The following SPRY3 variants were observed in gnomAD, a reference collection of about 807,000 sequenced individuals.
The protein encoded by SPRY3 is sprouty RTK signaling antagonist 3.
Under a neutral mutation model 20.2 loss-of-function variants are expected in SPRY3, and 15 were observed. The observed-to-expected ratio is 0.74, with a 90% CI of 0.50 to 1.14. The LOEUF is 1.14. Ranked by LOEUF, SPRY3 falls within the 50% of genes most tolerant of loss-of-function variation. The pLI is 0.00. For missense variants in SPRY3, 364 were observed against 363.9 expected (o/e 1.00, Z 0.00); for synonymous variants, 143 against 136.5 (o/e 1.05, Z -0.33).
At chrX:155,631,726 AT>A (rs1210370612) in intron 1 of SPRY3, among the ~76,000 whole-genome samples, 1 of 110,985 alleles carries the variant, frequency 9.0e-6, no homozygotes, top group Non-Finnish European at 1.9e-5. Flanking sequence ...TCTCTATTGC[AT>A]TTTTTATTTT....
At chrX:155,646,794 C>T (rs1289372459) in intron 1 of SPRY3, among the ~76,000 whole-genome samples, 2 of 110,514 alleles carry the variant, frequency 1.8e-5, no homozygotes, top group Non-Finnish European at 3.8e-5. Flanking sequence ...CTTTTTCTTG[C>T]TTAATTGCTC....
At chrX:155,758,496 C>T (rs2091291815) in intron 2 of SPRY3, among the ~76,000 whole-genome samples, 1 of 152,144 alleles carries the variant, frequency 6.6e-6, no homozygotes, top group African/African-American at 2.4e-5. Context: ...TCTATGTTCC[C>T]TTGGCATTGC....
chrX:155,770,745 A>T (rs1033766364), intron 3 of SPRY3, among the ~76,000 whole-genome samples: 2 of 151,942 alleles, frequency 1.3e-5, no homozygotes, highest in African/African-American at 4.8e-5. Flanking sequence ...GGATTTCTGA[A>T]TCATAAACAT....
intron 2 of SPRY3, among the ~76,000 whole-genome samples, chrX:155,724,118 G>C (rs1169260543): frequency 6.6e-6 from 1 of 151,946 alleles, no homozygotes; most frequent in Non-Finnish European, 1.5e-5. Context: ...TATTTCTGAG[G>C]CCTCTGTTCT....
At chrX:155,767,590 G>A (rs2124599515) in intron 2 of SPRY3, among the ~76,000 whole-genome samples, 1 of 149,834 alleles carries the variant, frequency 6.7e-6, no homozygotes, top group African/African-American at 2.5e-5. Flanking sequence ...AAGAAGGGGA[G>A]GAGGGAAAGG....
intron 2 of SPRY3, among the ~76,000 whole-genome samples, chrX:155,716,309 C>T (rs991516588): frequency 1.3e-5 from 2 of 152,108 alleles, no homozygotes; most frequent in Non-Finnish European, 2.9e-5. Flanking sequence ...CAACCCTATA[C>T]TTTTTATTTT....
chrX:155,642,407 TTTTG>T (rs1355995687), intron 1 of SPRY3, among the ~76,000 whole-genome samples: 5 of 111,802 alleles, frequency 4.5e-5, no homozygotes, highest in Admixed American at 3.8e-4. Flanking sequence ...GGTTTGTGAA[TTTTG>T]TTTATCTTTC....
intron 2 of SPRY3, among the ~76,000 whole-genome samples, chrX:155,765,333 C>T (rs781716): frequency 0.24 from 36,702 of 152,072 alleles, 4,397 homozygotes; most frequent in Non-Finnish European, 0.29. Context: ...GATCTGCAAA[C>T]TGCCAACTGT....
chrX:155,645,387 G>A (rs1557351766), intron 1 of SPRY3, among the ~76,000 whole-genome samples: 2 of 111,796 alleles, frequency 1.8e-5, no homozygotes, highest in African/African-American at 6.5e-5. Flanking sequence ...GAGTCACCTA[G>A]GAGTTACAGT....
downstream of SPRY3, chrX:155,776,854 G>C (rs2091430143): frequency 6.0e-6 from 1 of 166,914 alleles, no homozygotes; most frequent in Non-Finnish European, 1.5e-5. Flanking sequence ...ACTGACATTT[G>C]GGCTGCACAG....
At chrX:155,772,012 A>G (rs2091384464) in intron 3 of SPRY3, among the ~76,000 whole-genome samples, 2 of 152,188 alleles carry the variant, frequency 1.3e-5, no homozygotes, top group South Asian at 4.2e-4. Context: ...TAGATAGTGA[A>G]ACTGAGGCCC....
rs186758795 is a variant in SPRY3 at position 155,690,540 on chromosome X, A to G, written c.-282+33515A>G. Among the ~76,000 whole-genome samples, 35 of 87,921 alleles carry G rather than the reference A, an allele frequency of 4.0e-4. 3 individuals carry two copies. In the East Asian group the frequency reaches 0.011, roughly 28 times the overall value. The allele number at this position is 87,921 out of a possible 115,157, so 76.3% of individuals were successfully genotyped here. On this transcript the variant is annotated intron_variant, in intron 2 of 3. Transcript: ENST00000675360. ...GAAAACAGCAAAAAGCAGGGGTTTC[A>G]ATCCTAATTTCAGACAAAACAGATT...
chrX:155,751,924 GAAATAAAATAAAATA>G (rs530878002), intron 2 of SPRY3, among the ~76,000 whole-genome samples: 14,744 of 121,546 alleles, frequency 0.12, 1,060 homozygotes, highest in African/African-American at 0.19. Flanking sequence ...CAAGGGAAGG[GAAATAAAATAAAATA>G]AAATAAAATA....
intron 2 of SPRY3, among the ~76,000 whole-genome samples, chrX:155,711,910 C>A (rs306943): frequency 0.25 from 37,877 of 151,148 alleles, 4,965 homozygotes; most frequent in African/African-American, 0.4. Context: ...TTTCCATTAT[C>A]ATTTCTTTCA....
intron 2 of SPRY3, among the ~76,000 whole-genome samples, chrX:155,767,560 G>C (rs1046277579): frequency 4.0e-5 from 6 of 151,182 alleles, no homozygotes; most frequent in Non-Finnish European, 5.9e-5. Context: ...CGAAAGAGGA[G>C]GGGGAGGAGG....
chrX:155,751,989 A>AT (rs1315078752), intron 2 of SPRY3, among the ~76,000 whole-genome samples: 1 of 150,540 alleles, frequency 6.6e-6, no homozygotes, highest in Non-Finnish European at 1.5e-5. Flanking sequence ...AAAATAAAGG[A>AT]AAGGAAAAGG....
At chrX:155,616,130 C>CTCTCTCTCTCTCTCTCT (rs11396863) in intron 1 of SPRY3, among the ~76,000 whole-genome samples, 1 of 57,190 alleles carries the variant, frequency 1.7e-5, no homozygotes, top group African/African-American at 5.6e-5. Context: ...CTCTCTCTCT[C>CTCTCTCTCTCTCTCTCT]CTCTCTCTCT....
At chrX:155,762,084 T>C (rs2091306367) in intron 2 of SPRY3, among the ~76,000 whole-genome samples, 2 of 152,152 alleles carry the variant, frequency 1.3e-5, no homozygotes, top group Admixed American at 1.3e-4. Flanking sequence ...TTACCTCAAA[T>C]TCAACACTTC....
intron 2 of SPRY3, among the ~76,000 whole-genome samples, chrX:155,661,639 C>G (rs1177385827): frequency 1.8e-5 from 2 of 111,291 alleles, no homozygotes; most frequent in Non-Finnish European, 3.8e-5. Flanking sequence ...AAACTTTTTA[C>G]TTTTTCTTCT....
Sources: allele counts gnomAD v4.1 joint callset (sites outside exome capture counted in the v4.1 genomes callset), GRCh38; gene constraint gnomAD v4.1.1; transcripts MANE v1.5; gene names NCBI Gene and HGNC (gene_info 2026-07-23, HGNC 2026-07-21).